Variants in MLX observed in about 807,000 individuals in gnomAD.
MLX encodes MAX dimerization protein MLX.
MLX carries 15 observed loss-of-function variants against 33.0 expected under a neutral mutation model. The ratio of observed to expected loss-of-function variants is 0.45; its 90% confidence interval spans 0.30 to 0.70. The LOEUF is 0.70. MLX is among the 30% of genes least tolerant of loss of function. The pLI is 0.07. For missense variants in MLX, 285 were observed against 306.3 expected, an observed-to-expected ratio of 0.93 and a Z score of 0.52; for synonymous variants, 115 against 115.6, an observed-to-expected ratio of 0.99 and a Z score of 0.03.
Position 42,570,193 on chromosome 17 carries a change from A to G in MLX, c.678+10A>G, listed in dbSNP as rs2093025020. ...GCACTGTAAGCCTCAGGTATGGGGC[A>G]ACAATAGGCACAGGGTCTGCGGTTT... On this transcript the variant is annotated intron_variant, in intron 7 of 7. Coordinates refer to ENST00000435881, the MANE Select transcript of MLX (RefSeq NM_198204.2). 2 of 1,612,980 alleles carry G rather than the reference A, an allele frequency of 1.2e-6. No individual in the cohort carries two copies. The highest frequency in any genetic ancestry group is 1.3e-5 in the African/African-American group (1 of 75,018).
At position 42,571,580 on chromosome 17, in the gene MLX, C is replaced by T; in HGVS notation, c.712C>T (p.Gln238Ter). The stretch of plus-strand genomic sequence containing the variant: ...GGAGATTGTGATTGGCGTCCTGCAC[C>T]AATTGAAAAACCAGCTTTACTGACC... ...LREIVIGVLHQLKNQLY is the reference protein window; with the variant it reads ...LREIVIGVLH The change falls in exon 8 of 8, where the codon CAA (glutamine) becomes TAA (stop). Residue 238 changes from glutamine (Q) to a stop codon, truncating the protein, a stop_gained. Coordinates refer to ENST00000435881, the MANE Select transcript of MLX (RefSeq NM_198204.2). LOFTEE classifies it high-confidence loss of function. 11 of 1,614,138 alleles carry T rather than the reference C, an allele frequency of 6.8e-6. No individual in the cohort carries two copies. Among genetic ancestry groups the T allele is most frequent in the Non-Finnish European group, 9.3e-6 (11 of 1,180,018 alleles).
At chr17:42,567,696 C>T (rs760135729) in intron 2 of MLX, 41 bp downstream of exon 2, 5 of 1,613,312 alleles carry the variant, frequency 3.1e-6, no homozygotes, top group African/African-American at 1.3e-5. Flanking sequence ...GGGACACTCC[C>T]GCCCAGGCTC....
Position 42,572,319 on chromosome 17 carries a change from G to C in MLX, c.*716G>C. On this transcript the variant is annotated 3_prime_UTR_variant, in exon 8 of 8. Coordinates refer to ENST00000435881, the MANE Select transcript of MLX (RefSeq NM_198204.2). ...AGGTATAACACAGCACTACATATTG[G>C]AAATTTTTTATTTTTCTAAATACCA... is the stretch of plus-strand genomic sequence containing the variant. 2.2e-6 allele frequency: 1 copy of C among 453,840 alleles called. No individual in the cohort carries two copies. The highest frequency in any genetic ancestry group is 4.4e-6 in the Non-Finnish European group (1 of 226,508). The allele number at this position is 453,840 out of a possible 1,614,324, so 28.1% of individuals were successfully genotyped here.
At chr17:42,570,701 G>GC (rs2093027581) in intron 7 of MLX, among the ~76,000 whole-genome samples, 1 of 152,072 alleles carries the variant, frequency 6.6e-6, no homozygotes, top group African/African-American at 2.4e-5. Flanking sequence ...TGTCGCCCAG[G>GC]CTGGAGTGCA....
rs200600765 is a variant in MLX at position 42,571,596 on chromosome 17, T to C, written c.728T>C (p.Leu243Pro). 1.9e-6 allele frequency: 3 copies of C among 1,614,104 alleles called. No homozygotes were observed. The highest frequency in any genetic ancestry group is 2.5e-6 in the Non-Finnish European group (3 of 1,179,986). Residue 243 changes from leucine to proline, a missense_variant, in exon 8 of 8, where the codon CTT becomes CCT. By Grantham distance (98) the Leu-to-Pro change is moderately conservative. Coordinates refer to ENST00000435881, the MANE Select transcript of MLX (RefSeq NM_198204.2). ...IGVLHQLKNQ[L>P]Y ...GTCCTGCACCAATTGAAAAACCAGC[T>C]TTACTGACCGGTTCTTGGAAACCTG...
At chr17:42,568,406 G>A in intron 2 of MLX, 64 bp from the exon 3 acceptor site, 1 of 1,078,350 alleles carries the variant, frequency 9.3e-7, no homozygotes. Flanking sequence ...TGTCCTACAG[G>A]TGTCTGAGGG....
rs763943242 is a variant in MLX at position 42,572,328 on chromosome 17, T to A, written c.*725T>A. ...ACAGCACTACATATTGGAAATTTTT[T>A]ATTTTTCTAAATACCAATGCAGTTT... On this transcript the variant is annotated 3_prime_UTR_variant, in exon 8 of 8. Transcript: ENST00000435881. 2.0e-5 allele frequency: 9 copies of A among 454,172 alleles called. No individual in the cohort carries two copies. The highest frequency in any genetic ancestry group is 6.9e-4 in the Middle Eastern group (1 of 1,444). 28.1% of individuals were successfully genotyped at this position (454,172 alleles called of 1,614,324 possible).
rs1156879104 is a variant in MLX at position 42,569,318 on chromosome 17, A to G, written c.376+15A>G. 2.5e-6 allele frequency: 4 copies of G among 1,611,282 alleles called. No homozygotes were observed. The African/African-American group carries it at 4.0e-5, about 16-fold the overall frequency. On this transcript the variant is annotated intron_variant, in intron 5 of 7. Transcript: ENST00000435881. ...TCTACAAAAGAGTATGGCTAGGGAA[A>G]GCACTGGAGGGGATGGAGCCAAGCG...
intron 1 of MLX, 182 bp from the exon 2 acceptor site, chr17:42,567,437 T>C: frequency 2.2e-6 from 3 of 1,377,970 alleles, no homozygotes; most frequent in South Asian, 2.8e-5. Flanking sequence ...CGCCCTAGCC[T>C]GTGCCAGTCT....
At position 42,572,823 on chromosome 17, in the gene MLX, G is replaced by A. The variant is rs1477940949; in HGVS notation, c.*1220G>A. 1 of 980,148 alleles carries A rather than the reference G, an allele frequency of 1.0e-6. No homozygotes were observed. Among genetic ancestry groups the A allele is most frequent in the South Asian group, 1.4e-5 (1 of 73,850 alleles). The allele number at this position is 980,148 out of a possible 1,614,324, so 60.7% of individuals were successfully genotyped here. The stretch of plus-strand genomic sequence containing the variant: ...CTCATCCTCTCTACCCAGTGCTCTG[G>A]TTTATGCTTGTCTCCTGACTGCTCT... On this transcript the variant is annotated 3_prime_UTR_variant, in exon 8 of 8. Transcript: ENST00000435881.
In MLX at chr17:42,572,375, A is replaced by G. The variant is rs1567910757; in HGVS notation, c.*772A>G. On this transcript the variant is annotated 3_prime_UTR_variant, in exon 8 of 8. Transcript: ENST00000435881. ...GTTTTGCTACGGTTACAATTTTGAA[A>G]TATTAACTGAGCCTCAAAATCACCC... 2 of 454,628 alleles carry G rather than the reference A, an allele frequency of 4.4e-6. No homozygotes were observed. The highest frequency in any genetic ancestry group is 8.8e-6 in the Non-Finnish European group (2 of 226,782). 28.2% of individuals were successfully genotyped at this position (454,628 alleles called of 1,614,324 possible). A position where few individuals can be genotyped will look rare whatever the true frequency, so the allele number is the denominator to read the frequency against.
Position 42,571,840 on chromosome 17 carries a change from TC to T in MLX, c.*243del, listed in dbSNP as rs747090142. ...GATAAAACTCAAACCTACCCAGCCTTCCCCCCACTCCATGGAAGTCCTTGGG... is the reference window on the plus strand; with the variant it reads ...GATAAAACTCAAACCTACCCAGCCTTCCCCCACTCCATGGAAGTCCTTGGG... On this transcript the variant is annotated 3_prime_UTR_variant, in exon 8 of 8. Transcript: ENST00000435881. 21 of 532,522 alleles carry T rather than the reference TC, an allele frequency of 3.9e-5. No individual in the cohort carries two copies. Among genetic ancestry groups the T allele is most frequent in the African/African-American group, 5.7e-5 (3 of 52,240 alleles). The allele number at this position is 532,522 out of a possible 1,614,324, so 33.0% of individuals were successfully genotyped here. A position where few individuals can be genotyped will look rare whatever the true frequency, so the allele number is the denominator to read the frequency against.
intron 6 of MLX, 143 bp downstream of exon 6, chr17:42,569,749 C>T: frequency 1.3e-6 from 1 of 756,154 alleles, no homozygotes. Context: ...TGTGTATCCC[C>T]AACTGTCCTT....
At position 42,571,528 on chromosome 17, in the gene MLX, C is replaced by T. The variant is rs1217785867; in HGVS notation, c.679-19C>T. 5 of 1,613,718 alleles carry T rather than the reference C, an allele frequency of 3.1e-6. No individual in the cohort carries two copies. The South Asian group carries it at 3.3e-5, about 11-fold the overall frequency. On this transcript the variant is annotated intron_variant, in intron 7 of 7. Coordinates refer to ENST00000435881, the MANE Select transcript of MLX (RefSeq NM_198204.2). Reference sequence around the variant, plus strand: ...TTGACTTGGGCATTGTCTATTTCTTCCTCTGCTGCCCTCGCCAGACCCTGC... The same window carrying T: ...TTGACTTGGGCATTGTCTATTTCTTTCTCTGCTGCCCTCGCCAGACCCTGC...
chr17:42,567,715 C>T lies in MLX; in HGVS notation c.79+60C>T, dbSNP rs1276954341. 5 of 1,610,894 alleles carry T rather than the reference C, an allele frequency of 3.1e-6. No homozygotes were observed. The Admixed American group carries it at 5.0e-5, about 16-fold the overall frequency. On this transcript the variant is annotated intron_variant, in intron 2 of 7. Transcript: ENST00000435881. ...CACTCCCGCCCAGGCTCTCTAGATT[C>T]TTGTGGCGTTGCCAACCACGCCTGA...
In MLX at chr17:42,572,189, C is replaced by T. The variant is rs2093036505; in HGVS notation, c.*586C>T. 3 of 351,242 alleles carry T rather than the reference C, an allele frequency of 8.5e-6. No individual in the cohort carries two copies. Among genetic ancestry groups the T allele is most frequent in the Admixed American group, 3.8e-5 (1 of 26,592 alleles). The allele number at this position is 351,242 out of a possible 1,614,324, so 21.8% of individuals were successfully genotyped here. ...TCTGGCCATCTCAGGGAGGGGCCAC[C>T]AGGTTCCTCCCCTCACCCCATATTC... On this transcript the variant is annotated 3_prime_UTR_variant, in exon 8 of 8. Transcript: ENST00000435881.
Position 42,572,930 on chromosome 17 carries a change from A to C in MLX, c.*1327A>C, listed in dbSNP as rs2093043851. 1 of 1,608,826 alleles carries C rather than the reference A, an allele frequency of 6.2e-7. No individual in the cohort carries two copies. The highest frequency in any genetic ancestry group is 8.5e-7 in the Non-Finnish European group (1 of 1,175,914). Reference sequence around the variant, plus strand: ...CAGTGCAAGACATCTCACTCTTCTGACATCCTGCAGTCCCCACCAGTCCTG... The same window carrying C: ...CAGTGCAAGACATCTCACTCTTCTGCCATCCTGCAGTCCCCACCAGTCCTG... On this transcript the variant is annotated 3_prime_UTR_variant, in exon 8 of 8. Transcript: ENST00000435881.
rs1567911595 is a variant in MLX at position 42,572,881 on chromosome 17, A to C, written c.*1278A>C. On this transcript the variant is annotated 3_prime_UTR_variant, in exon 8 of 8. Transcript: ENST00000435881. ...GGTGAAAGTAGCAGGAACAACAACA[A>C]AAGCCAACCAAAAACAAGGTAGCCA... 1 of 1,507,740 alleles carries C rather than the reference A, an allele frequency of 6.6e-7. No homozygotes were observed. 93.4% of individuals were successfully genotyped at this position (1,507,740 alleles called of 1,614,324 possible).
Position 42,567,499 on chromosome 17 carries a change from C to T in MLX, c.43-120C>T, listed in dbSNP as rs563354727. 5.9e-6 allele frequency: 9 copies of T among 1,536,162 alleles called. No individual in the cohort carries two copies. In the South Asian group the frequency reaches 9.3e-5, roughly 16 times the overall value. On this transcript the variant is annotated intron_variant, in intron 1 of 7. Transcript: ENST00000435881. ...ACCCCGGGCTGTGTGTGTGCAAGCG[C>T]GCAGGGTGACAGAGGCGCCTTCCCG...
Sources: allele counts gnomAD v4.1 joint callset (sites outside exome capture counted in the v4.1 genomes callset), GRCh38; gene constraint gnomAD v4.1.1; transcripts MANE v1.5; gene names NCBI Gene and HGNC (gene_info 2026-07-23, HGNC 2026-07-21).